Variants in PDZD2 observed in about 807,000 individuals in gnomAD.
The protein encoded by PDZD2 is PDZ domain-containing protein 2.
Under a neutral mutation model 220.7 loss-of-function variants are expected in PDZD2, and 90 were observed. The ratio of observed to expected loss-of-function variants is 0.41; its 90% CI spans 0.34 to 0.49. PDZD2 has a LOEUF of 0.49. Ranked by LOEUF, PDZD2 falls within the 20% of genes least tolerant of loss-of-function variation. The pLI is 0.28. For synonymous variants in PDZD2, 1,375 were observed against 1,450.5 expected, an observed-to-expected ratio of 0.95 and a Z score of 1.18; for missense variants, 3,174 against 3,608.5, an observed-to-expected ratio of 0.88 and a Z score of 3.08.
chr5:31,817,099 T>G (rs1460604666), intron 2 of PDZD2, among the ~76,000 whole-genome samples: 1 of 146,342 alleles, frequency 6.8e-6, no homozygotes, highest in Non-Finnish European at 1.5e-5. Context: ...GGCAGGAGAA[T>G]GGCGTGAACC....
chr5:31,883,381 G>A (rs542966818), intron 2 of PDZD2, among the ~76,000 whole-genome samples: 19 of 151,322 alleles, frequency 1.3e-4, no homozygotes, highest in Middle Eastern at 3.2e-3. Flanking sequence ...CCACCAGGCC[G>A]GTTTAGTTTT....
At chr5:31,771,441 A>G (rs1408183201) in intron 1 of PDZD2, among the ~76,000 whole-genome samples, 4 of 152,148 alleles carry the variant, frequency 2.6e-5, no homozygotes, top group Admixed American at 2.6e-4. Context: ...CGAAGTTTTC[A>G]GGGCCACCAA....
intron 1 of PDZD2, among the ~76,000 whole-genome samples, chr5:31,699,611 T>A (rs1747527417): frequency 6.6e-6 from 1 of 151,896 alleles, no homozygotes; most frequent in South Asian, 2.1e-4. Flanking sequence ...GTTTTATTAT[T>A]ATTATTTTTT....
chr5:31,691,469 AC>A (rs1747126300), intron 1 of PDZD2, among the ~76,000 whole-genome samples: 1 of 128,950 alleles, frequency 7.8e-6, no homozygotes, highest in African/African-American at 2.8e-5. Flanking sequence ...TTATTCTCTT[AC>A]CTGGCGCCAC....
chr5:31,994,504 T>A (rs912103677), intron 3 of PDZD2, among the ~76,000 whole-genome samples: 2 of 152,046 alleles, frequency 1.3e-5, no homozygotes, highest in Non-Finnish European at 2.9e-5. Flanking sequence ...GTGTTTTTTG[T>A]TTTTTTGGTG....
At chr5:31,848,401 T>G (rs1235706832) in intron 2 of PDZD2, among the ~76,000 whole-genome samples, 1 of 152,228 alleles carries the variant, frequency 6.6e-6, no homozygotes, top group Non-Finnish European at 1.5e-5. Flanking sequence ...AAGGTGAACC[T>G]TGATTTGAAT....
chr5:31,931,899 G>A (rs1018104302), intron 2 of PDZD2, among the ~76,000 whole-genome samples: 4 of 152,120 alleles, frequency 2.6e-5, no homozygotes, highest in East Asian at 1.9e-4. Flanking sequence ...GGCCACAGCC[G>A]CACGGAGCTT....
Position 31,869,774 on chromosome 5 carries a change from A to G in PDZD2, c.476+70050A>G, listed in dbSNP as rs141580175. Among the ~76,000 whole-genome samples, 681 of 152,180 alleles carry G rather than the reference A, an allele frequency of 4.5e-3. 5 individuals are homozygous for G. Among genetic ancestry groups the G allele is most frequent in the African/African-American group, 0.015 (636 of 41,520 alleles). On this transcript the variant is annotated intron_variant, in intron 2 of 24. Coordinates refer to ENST00000438447, the MANE Select transcript of PDZD2 (RefSeq NM_178140.4). Reference sequence around the variant, plus strand: ...ACAGCCCTCTCTGGCTCTTATTGCTATTGGCAGTGCCTTCTAGCAGTGCTG... The same window carrying G: ...ACAGCCCTCTCTGGCTCTTATTGCTGTTGGCAGTGCCTTCTAGCAGTGCTG...
At chr5:31,696,700 A>G (rs1269030668) in intron 1 of PDZD2, among the ~76,000 whole-genome samples, 1 of 152,200 alleles carries the variant, frequency 6.6e-6, no homozygotes, top group Admixed American at 6.5e-5. Flanking sequence ...CAAAAAGGAT[A>G]CATTTCCCTA....
chr5:31,655,049 C>T (rs77726534), intron 1 of PDZD2, among the ~76,000 whole-genome samples: 5,073 of 152,284 alleles, frequency 0.033, 297 homozygotes, highest in African/African-American at 0.12. Flanking sequence ...TCCCTCACTT[C>T]CTTCAGGTCT....
rs144341259 is a variant in PDZD2 at position 31,917,171 on chromosome 5, A to C, written c.477-65984A>C. Among the ~76,000 whole-genome samples the C allele has an allele frequency of 2.6e-3, 392 of 152,334 alleles. 1 individual carries two copies. Among genetic ancestry groups the C allele is most frequent in the African/African-American group, 8.5e-3 (352 of 41,580 alleles). On this transcript the variant is annotated intron_variant, in intron 2 of 24. Coordinates refer to ENST00000438447, the MANE Select transcript of PDZD2 (RefSeq NM_178140.4). The stretch of plus-strand genomic sequence containing the variant: ...TGGATCCAGAAAACCCTTGGGAGCC[A>C]CAGGATTGGGACGATTATTGCATCT...
intron 2 of PDZD2, among the ~76,000 whole-genome samples, chr5:31,839,282 G>A (rs1757129411): frequency 6.6e-6 from 1 of 152,156 alleles, no homozygotes; most frequent in Non-Finnish European, 1.5e-5. Context: ...ACAGTAAGAA[G>A]AATGTTTGCT....
chr5:31,761,371 G>A (rs375189668), intron 1 of PDZD2, among the ~76,000 whole-genome samples: 156 of 152,082 alleles, frequency 1.0e-3, no homozygotes, highest in African/African-American at 3.1e-3. Context: ...AAAAGATAAC[G>A]TGAGAAATGT....
chr5:31,732,341 T>A (rs1749585485), intron 1 of PDZD2, among the ~76,000 whole-genome samples: 1 of 152,186 alleles, frequency 6.6e-6, no homozygotes, highest in Non-Finnish European at 1.5e-5. Context: ...AATGATGTCA[T>A]CTCTTTGTCC....
At chr5:31,766,576 G>A (rs1441053526) in intron 1 of PDZD2, among the ~76,000 whole-genome samples, 6 of 152,052 alleles carry the variant, frequency 3.9e-5, no homozygotes, top group Non-Finnish European at 7.4e-5. Context: ...ATTTTTAGTA[G>A]AGATGGGGTT....
chr5:31,802,168 C>T (rs1267952383), intron 2 of PDZD2, among the ~76,000 whole-genome samples: 1 of 152,086 alleles, frequency 6.6e-6, no homozygotes, highest in African/African-American at 2.4e-5. Flanking sequence ...CCAAGGTCTT[C>T]TAGCAACTAG....
rs145699471 is a variant in PDZD2 at position 32,089,695 on chromosome 5, C to G, written c.6247C>G (p.Arg2083Gly). ...AGGAGGCAACATAATGGCCAGCGAT[C>G]GCCTCGAAAGAACAAACCAGCTGAA... Reference protein sequence around the residue: ...EKGGNIMASDRLERTNQLKIV... With the variant: ...EKGGNIMASDGLERTNQLKIV... The change falls in exon 20 of 25, where the codon CGC becomes GGC. Residue 2083 changes from arginine to glycine, a missense_variant. By Grantham distance (125) the Arg-to-Gly change is moderately radical. Coordinates refer to ENST00000438447, the MANE Select transcript of PDZD2 (RefSeq NM_178140.4). 6.2e-7 allele frequency: 1 copy of G among 1,614,168 alleles called. No individual in the cohort carries two copies. Among genetic ancestry groups the G allele is most frequent in the South Asian group, 1.1e-5 (1 of 91,084 alleles).
chr5:31,815,821 A>AT (rs993186038), intron 2 of PDZD2, among the ~76,000 whole-genome samples: 27 of 151,928 alleles, frequency 1.8e-4, no homozygotes, highest in East Asian at 3.9e-4. Flanking sequence ...GTGTAAATAA[A>AT]TTTTTTTTTT....
At chr5:31,753,223 C>A (rs528236532) in intron 1 of PDZD2, among the ~76,000 whole-genome samples, 7 of 152,276 alleles carry the variant, frequency 4.6e-5, no homozygotes, top group East Asian at 3.9e-4. Flanking sequence ...TTCTTCATAA[C>A]GCTCTTTAAG....
Sources: gnomAD v4.1 joint callset for allele counts (sites outside exome capture counted in the v4.1 genomes callset) on GRCh38, gnomAD v4.1.1 for gene constraint, MANE v1.5 for transcripts, NCBI Gene and HGNC (gene_info 2026-07-23, HGNC 2026-07-21) for gene names.